Variants in DGKI observed in about 807,000 individuals in gnomAD.
DGKI encodes DAG kinase iota.
Under a neutral mutation model 147.5 loss-of-function variants are expected in DGKI, and 55 were observed. The observed-to-expected ratio is 0.37, with a 90% CI of 0.30 to 0.47. DGKI has a LOEUF of 0.47. Ranked by LOEUF, DGKI falls within the 20% of genes least tolerant of loss-of-function variation. The pLI is 1.00. For synonymous variants in DGKI, 469 were observed against 477.1 expected (o/e 0.98, Z 0.22); for missense variants, 1,007 against 1,323.8 (o/e 0.76, Z 3.71).
At chr7:137,697,326 A>G (rs563276967) in intron 1 of DGKI, among the ~76,000 whole-genome samples, 1 of 152,304 alleles carries the variant, frequency 6.6e-6, no homozygotes, top group Middle Eastern at 3.4e-3. Context: ...AACTAATAAT[A>G]CTTAAACAGA....
At chr7:137,422,997 T>G (rs1423526555) in intron 28 of DGKI, among the ~76,000 whole-genome samples, 2 of 152,196 alleles carry the variant, frequency 1.3e-5, no homozygotes, top group African/African-American at 4.8e-5. Context: ...AATATGTGTG[T>G]TGGAAACTGA....
At chr7:137,393,193 G>A (rs149519167) in intron 32 of DGKI, among the ~76,000 whole-genome samples, 228 of 149,268 alleles carry the variant, frequency 1.5e-3, no homozygotes, top group African/African-American at 5.3e-3. Context: ...TTCTATGTGA[G>A]GGGTTTATAA....
chr7:137,561,322 G>A (rs1425059231), intron 19 of DGKI, among the ~76,000 whole-genome samples: 2 of 152,126 alleles, frequency 1.3e-5, no homozygotes, highest in African/African-American at 2.4e-5. Flanking sequence ...GGAAGAGAAC[G>A]TTAACCACCA....
intron 23 of DGKI, among the ~76,000 whole-genome samples, chr7:137,484,674 T>C (rs1815490903): frequency 6.6e-6 from 1 of 151,950 alleles, no homozygotes; most frequent in South Asian, 2.1e-4. Flanking sequence ...ACAAGTGGGA[T>C]GGGGAAGTTG....
chr7:137,779,020 T>C (rs1275596637), intron 1 of DGKI, among the ~76,000 whole-genome samples: 1 of 152,192 alleles, frequency 6.6e-6, no homozygotes, highest in Non-Finnish European at 1.5e-5. Flanking sequence ...TAAAATTTAT[T>C]TGGAAATGTA....
intron 10 of DGKI, among the ~76,000 whole-genome samples, chr7:137,607,953 G>A (rs1820237829): frequency 6.6e-6 from 1 of 152,170 alleles, no homozygotes. Context: ...TGAGAATTTT[G>A]AAGGCAGAGA....
intron 26 of DGKI, among the ~76,000 whole-genome samples, chr7:137,464,509 T>C (rs774382557): frequency 6.6e-6 from 1 of 152,122 alleles, no homozygotes; most frequent in Non-Finnish European, 1.5e-5. Context: ...CCCACCACCT[T>C]TGGGGCTCCC....
intron 12 of DGKI, among the ~76,000 whole-genome samples, chr7:137,588,475 C>CTTTTTTGTTTTTTTTTTT (rs1819487289): frequency 8.6e-6 from 1 of 116,724 alleles, no homozygotes; most frequent in African/African-American, 3.6e-5. Flanking sequence ...CATACCGATG[C>CTTTTTTGTTTTTTTTTTT]TTTTTTTTTT....
chr7:137,535,616 T>C (rs922005356), intron 20 of DGKI, among the ~76,000 whole-genome samples: 1 of 152,040 alleles, frequency 6.6e-6, no homozygotes, highest in Non-Finnish European at 1.5e-5. Context: ...GCAGTAAATA[T>C]CCGCTGCACT....
In DGKI at chr7:137,391,279, G is replaced by A. The variant is rs370000561; in HGVS notation, c.3115C>T (p.Leu1039=). ...ACCTTATAGTTCTGACGGCTTTCTA[G>A]GTAAGCAGCCAAGTCTGGGTCCCCA... ...QAGDPDLAAY[L]ESRQNYKVIG... is the part of the protein sequence containing the mutation. The change falls in exon 33 of 33, where the codon CTA becomes TTA. Residue 1039 remains leucine, a synonymous_variant. Transcript: ENST00000614521. 21 of 1,613,540 alleles carry A rather than the reference G, an allele frequency of 1.3e-5. No individual in the cohort carries two copies. In the African/African-American group the frequency reaches 2.7e-4, roughly 21 times the overall value.
intron 1 of DGKI, among the ~76,000 whole-genome samples, chr7:137,798,215 A>G (rs1356796871): frequency 1.3e-5 from 2 of 152,198 alleles, no homozygotes; most frequent in African/African-American, 2.4e-5. Context: ...AGTTCTCACA[A>G]TGGAAAGCCC....
At chr7:137,482,939 G>A (rs555562797) in intron 23 of DGKI, among the ~76,000 whole-genome samples, 56 of 152,086 alleles carry the variant, frequency 3.7e-4, no homozygotes, top group Admixed American at 1.8e-3. Flanking sequence ...CACTGCATTC[G>A]TTATCCTAGA....
At chr7:137,639,578 C>G (rs1182695925) in intron 6 of DGKI, among the ~76,000 whole-genome samples, 2 of 152,180 alleles carry the variant, frequency 1.3e-5, no homozygotes, top group East Asian at 3.9e-4. Context: ...GTTTGGGCCT[C>G]TGCTCCCCGT....
At chr7:137,825,663 T>A (rs1255471522) in intron 1 of DGKI, among the ~76,000 whole-genome samples, 1 of 150,038 alleles carries the variant, frequency 6.7e-6, no homozygotes, top group South Asian at 2.1e-4. Flanking sequence ...CTCACACACA[T>A]ACACACACTC....
chr7:137,670,143 T>G (rs1050762857), intron 3 of DGKI, among the ~76,000 whole-genome samples: 1 of 152,236 alleles, frequency 6.6e-6, no homozygotes, highest in Non-Finnish European at 1.5e-5. Context: ...ATGCCGTATA[T>G]TGTTTTCTTT....
intron 27 of DGKI, chr7:137,452,851 T>A (rs1814028008): frequency 6.6e-6 from 1 of 152,224 alleles, no homozygotes; most frequent in East Asian, 1.9e-4. Flanking sequence ...CTTTCCTGGA[T>A]AGAACAGCCT....
intron 23 of DGKI, among the ~76,000 whole-genome samples, chr7:137,472,939 G>T (rs1000479177): frequency 5.9e-5 from 9 of 151,976 alleles, no homozygotes; most frequent in African/African-American, 2.2e-4. Context: ...AAAAATACAG[G>T]AATGCTTGAT....
intron 1 of DGKI, chr7:137,722,079 C>T (rs1214595848): frequency 2.5e-6 from 4 of 1,597,866 alleles, no homozygotes; most frequent in East Asian, 4.5e-5. Context: ...AAAAGGGTAA[C>T]CTCAAGGCTA....
At chr7:137,505,135 G>A (rs2128944539) in intron 21 of DGKI, among the ~76,000 whole-genome samples, 1 of 148,434 alleles carries the variant, frequency 6.7e-6, no homozygotes, top group South Asian at 2.2e-4. Flanking sequence ...GGGGGTGGGG[G>A]GATGGGGGAG....
Sources: gnomAD v4.1 joint callset for allele counts (sites outside exome capture counted in the v4.1 genomes callset) on GRCh38, gnomAD v4.1.1 for gene constraint, MANE v1.5 for transcripts, NCBI Gene and HGNC (gene_info 2026-07-23, HGNC 2026-07-21) for gene names.